The following AMY2B variants were observed in gnomAD, a reference collection of about 807,000 sequenced individuals.
AMY2B encodes amylase alpha 2B, also known as alpha-amylase 2B.
AMY2B carries 63 observed loss-of-function variants against 59.3 expected under a neutral mutation model. The ratio of observed to expected loss-of-function variants is 1.06; its 90% CI spans 0.87 to 1.31. AMY2B has a LOEUF of 1.31. AMY2B is among the 50% of genes most tolerant of loss of function. The pLI, the probability that AMY2B is intolerant of heterozygous loss-of-function variation, is 0.00. For synonymous variants in AMY2B, 180 were observed against 198.1 expected (o/e 0.91, Z 0.77); for missense variants, 635 against 626.7 (o/e 1.01, Z -0.14).
intron 1 of AMY2B, among the ~76,000 whole-genome samples, chr1:103,561,577 A>AGGTTATTTTATTTTATAT (rs1651737091): frequency 6.6e-6 from 1 of 151,984 alleles, no homozygotes; most frequent in Non-Finnish European, 1.5e-5. Context: ...CGGGTCTTTA[A>AGGTTATTTTATTTTATAT]GGTTATTTTA....
chr1:103,561,258 A>AT (rs1056619959), intron 1 of AMY2B, among the ~76,000 whole-genome samples: 67 of 151,364 alleles, frequency 4.4e-4, no homozygotes, highest in South Asian at 1.9e-3. Flanking sequence ...CATGGAGTTA[A>AT]TTTTTTTTTG....
rs200461293 is a variant in AMY2B at position 103,573,805 on chromosome 1, T to C, written c.611T>C (p.Ile204Thr). 5.6e-6 allele frequency: 9 copies of C among 1,613,832 alleles called. No homozygotes were observed. The highest frequency in any genetic ancestry group is 5.0e-5 in the Admixed American group (3 of 59,990). ...GAATATATGAATCATCTCATTGACA[T>C]TGGTGTTGCAGGGTTCAGACTTGAT... ...IAEYMNHLID[I>T]GVAGFRLDAS... The change falls in exon 4 of 10, where the codon ATT becomes ACT. Residue 204 changes from isoleucine to threonine, a missense_variant. Physicochemically the swap from Ile to Thr is moderately conservative, Grantham distance 89. Coordinates refer to ENST00000684275, the MANE Select transcript of AMY2B (RefSeq NM_001387437.1).
At chr1:103,573,625 C>A in intron 3 of AMY2B, 83 bp from the exon 4 acceptor site, 1 of 1,578,732 alleles carries the variant, frequency 6.3e-7, no homozygotes, top group Non-Finnish European at 8.7e-7. Context: ...CTTGAGGAAT[C>A]ATGGAATAAA....
At chr1:103,570,412 A>G (rs1652079043), upstream of AMY2B, 3 of 872,406 alleles carry the variant, frequency 3.4e-6, no homozygotes, top group African/African-American at 3.3e-5. Flanking sequence ...TGTGACGTGG[A>G]CATCCGCAAA....
rs769545055 is a variant in AMY2B at position 103,575,342 on chromosome 1, C to G, written c.998C>G (p.Ala333Gly). The change falls in exon 6 of 10, where the codon GCT (alanine) becomes GGT (glycine). Residue 333 changes from alanine (A) to glycine (G), a missense_variant. Physicochemically the swap from Ala to Gly is moderately conservative, Grantham distance 60. Coordinates refer to ENST00000684275, the MANE Select transcript of AMY2B (RefSeq NM_001387437.1). ...GGASILTFWD[A>G]RLYKMAVGFM... is the part of the protein sequence containing the mutation. ...GCCTCTATTCTTACCTTCTGGGATGCTAGGTAGAAAACCAAGTTCTCTATT... is the reference window on the plus strand; with the variant it reads ...GCCTCTATTCTTACCTTCTGGGATGGTAGGTAGAAAACCAAGTTCTCTATT... The G allele has an allele frequency of 1.9e-6, 3 of 1,613,328 alleles. No individual in the cohort carries two copies. The highest frequency in any genetic ancestry group is 2.5e-6 in the Non-Finnish European group (3 of 1,179,618).
intron 7 of AMY2B, 112 bp from the exon 8 acceptor site, chr1:103,577,378 A>C: frequency 6.4e-7 from 1 of 1,570,706 alleles, no homozygotes; most frequent in African/African-American, 1.4e-5. Flanking sequence ...ATTCTAGATA[A>C]AGTCATTGAA....
At chr1:103,559,938 A>T (rs908427651) in intron 1 of AMY2B, among the ~76,000 whole-genome samples, 1 of 152,314 alleles carries the variant, frequency 6.6e-6, no homozygotes, top group South Asian at 2.1e-4. Context: ...AGAATTACCT[A>T]TGTGTAAACA....
Position 103,573,893 on chromosome 1 carries a change from C to G in AMY2B, c.699C>G (p.Asn233Lys). ...TTTTGGACAAACTGCATAATCTAAACAGTAACTGGTTCCCTGCAGGAAGTA... is the reference window on the plus strand; with the variant it reads ...TTTTGGACAAACTGCATAATCTAAAGAGTAACTGGTTCCCTGCAGGAAGTA... ...KAILDKLHNL[N>K]SNWFPAGSKP... Residue 233 changes from asparagine to lysine, a missense_variant, in exon 4 of 10, where the codon AAC becomes AAG. Asn to Lys is a moderately conservative substitution (Grantham distance 94, BLOSUM62 0). Coordinates refer to ENST00000684275, the MANE Select transcript of AMY2B (RefSeq NM_001387437.1). The G allele has an allele frequency of 1.2e-6, 2 of 1,613,814 alleles. No individual in the cohort carries two copies. The highest frequency in any genetic ancestry group is 1.7e-6 in the Non-Finnish European group (2 of 1,179,764).
At chr1:103,564,539 A>G (rs1237937675) in intron 1 of AMY2B, among the ~76,000 whole-genome samples, 1 of 151,718 alleles carries the variant, frequency 6.6e-6, no homozygotes, top group African/African-American at 2.4e-5. Context: ...TCTCCTTCCT[A>G]CTCCCTGTAC....
chr1:103,565,410 T>G (rs370563804), intron 1 of AMY2B: 5 of 152,348 alleles, frequency 3.3e-5, no homozygotes, highest in African/African-American at 1.2e-4. Context: ...CAACTATCCT[T>G]CTTTAAAAAT....
intron 1 of AMY2B, among the ~76,000 whole-genome samples, chr1:103,555,948 G>A (rs1419549906): frequency 6.6e-6 from 1 of 152,056 alleles, no homozygotes; most frequent in Non-Finnish European, 1.5e-5. Context: ...CAAATAGAAG[G>A]GTTCGTTTTA....
chr1:103,577,375 A>T (rs1652399056), intron 7 of AMY2B, 115 bp from the exon 8 acceptor site: 2 of 1,566,718 alleles, frequency 1.3e-6, no homozygotes, highest in Non-Finnish European at 1.7e-6. Context: ...TGGATTCTAG[A>T]TAAAGTCATT....
Position 103,574,314 on chromosome 1 carries a change from C to G in AMY2B, c.799C>G (p.Arg267Gly), listed in dbSNP as rs374395229. 2.5e-6 allele frequency: 4 copies of G among 1,611,230 alleles called. No homozygotes were observed. The highest frequency in any genetic ancestry group is 1.7e-5 in the Admixed American group (1 of 59,946). Reference sequence around the variant, plus strand: ...AAGCAGTGACTACTTTGGAAATGGCCGGGTGACAGAATTCAAGTATGGTGC... The same window carrying G: ...AAGCAGTGACTACTTTGGAAATGGCGGGGTGACAGAATTCAAGTATGGTGC... ...IKSSDYFGNG[R>G]VTEFKYGAKL... Residue 267 changes from arginine (R) to glycine (G), a missense_variant, in exon 5 of 10, where the codon CGG becomes GGG. Arg to Gly is a moderately radical substitution (Grantham distance 125). Coordinates refer to ENST00000684275, the MANE Select transcript of AMY2B (RefSeq NM_001387437.1).
At chr1:103,565,471 G>T (rs2101065582) in exon 2 of AMY2B, 1 of 152,396 alleles carries the variant, frequency 6.6e-6, no homozygotes, top group African/African-American at 2.4e-5. Context: ...CATGGATATG[G>T]AGGGCTGACT....
upstream of AMY2B, chr1:103,570,666 T>C (rs546463970): frequency 5.1e-6 from 3 of 583,000 alleles, no homozygotes; most frequent in East Asian, 8.9e-5. Flanking sequence ...CCACCGCAAA[T>C]GCTTCTAAAT....
intron 2 of AMY2B, among the ~76,000 whole-genome samples, chr1:103,566,520 C>G (rs1651917860): frequency 6.6e-6 from 1 of 152,052 alleles, no homozygotes; most frequent in African/African-American, 2.4e-5. Context: ...TATTTTTTTA[C>G]TTTTTATTTT....
At chr1:103,567,152 C>T (rs1475594758), upstream of AMY2B, among the ~76,000 whole-genome samples, 1 of 152,030 alleles carries the variant, frequency 6.6e-6, no homozygotes, top group African/African-American at 2.4e-5. Context: ...TGAGGGTAAG[C>T]TTCATAAAGT....
In AMY2B at chr1:103,564,160, A is replaced by G. The variant is rs1484519793; in HGVS notation, c.-206-1275A>G. ...TATTTGCATTATTCGTTTAATCACA[A>G]TAACTCTATGAGGTAAACATTACTT... On this transcript the variant is annotated intron_variant, in intron 1 of 11. Coordinates refer to the AMY2B transcript ENST00000361355. Among the ~76,000 whole-genome samples the G allele has an allele frequency of 3.3e-5, 5 of 152,304 alleles. No homozygotes were observed. The South Asian group carries it at 8.3e-4, about 25-fold the overall frequency.
At chr1:103,557,068 C>T (rs946289970) in intron 1 of AMY2B, among the ~76,000 whole-genome samples, 4 of 151,976 alleles carry the variant, frequency 2.6e-5, no homozygotes, top group East Asian at 1.9e-4. Flanking sequence ...TGCAAAATGT[C>T]CCACCCTATA....
Sources: allele counts gnomAD v4.1 joint callset (sites outside exome capture counted in the v4.1 genomes callset), GRCh38; gene constraint gnomAD v4.1.1; transcripts MANE v1.5; gene names NCBI Gene and HGNC (gene_info 2026-07-23, HGNC 2026-07-21).